Variants in CPQ observed in about 807,000 individuals in gnomAD.
CPQ encodes carboxypeptidase Q.
A neutral mutation model predicts 45.7 loss-of-function variants in CPQ; 37 were observed. The ratio of observed to expected loss-of-function variants is 0.81; its 90% CI spans 0.62 to 1.07. The LOEUF (loss-of-function observed/expected upper bound fraction) is 1.07. CPQ is among the 50% of genes least tolerant of loss of function. CPQ has a pLI of 0.00. For synonymous variants in CPQ, 186 were observed against 205.8 expected (o/e 0.90, Z 0.82); for missense variants, 537 against 572.9 (o/e 0.94, Z 0.64).
At chr8:97,008,683 T>G (rs1268849903) in intron 5 of CPQ, among the ~76,000 whole-genome samples, 1 of 152,180 alleles carries the variant, frequency 6.6e-6, no homozygotes, top group Admixed American at 6.5e-5. Context: ...CATTATTATA[T>G]ATGTGACCAT....
intron 4 of CPQ, among the ~76,000 whole-genome samples, chr8:96,923,438 A>G (rs563130201): frequency 6.2e-4 from 95 of 152,128 alleles, no homozygotes; most frequent in Non-Finnish European, 1.2e-3. Context: ...TAATTTAGTC[A>G]CCTTCTTCAA....
chr8:96,868,539 A>G (rs1812023192), intron 3 of CPQ, among the ~76,000 whole-genome samples: 1 of 152,032 alleles, frequency 6.6e-6, no homozygotes, highest in Admixed American at 6.6e-5. Flanking sequence ...AATGTTTATG[A>G]TTAGCCTTGT....
intron 5 of CPQ, among the ~76,000 whole-genome samples, chr8:96,970,595 G>A (rs1265783879): frequency 1.4e-5 from 2 of 147,082 alleles, no homozygotes; most frequent in Admixed American, 6.9e-5. Context: ...ACGGAGTCTC[G>A]CTCTGTCGCC....
chr8:97,057,847 T>C (rs1161321479), intron 6 of CPQ, among the ~76,000 whole-genome samples: 1 of 151,940 alleles, frequency 6.6e-6, no homozygotes, highest in Non-Finnish European at 1.5e-5. Flanking sequence ...GCCAACAAAT[T>C]AGGGAGGGGT....
At chr8:97,052,298 T>C (rs1363957677) in intron 6 of CPQ, among the ~76,000 whole-genome samples, 1 of 152,148 alleles carries the variant, frequency 6.6e-6, no homozygotes, top group Non-Finnish European at 1.5e-5. Flanking sequence ...ACTATACCCA[T>C]TAAATTATGT....
intron 1 of CPQ, among the ~76,000 whole-genome samples, chr8:96,783,314 T>G (rs1810716534): frequency 6.6e-6 from 1 of 151,476 alleles, no homozygotes; most frequent in African/African-American, 2.4e-5. Flanking sequence ...ACAGACGGAG[T>G]AATTTATAAA....
At chr8:97,071,320 T>C (rs1810738465) in intron 7 of CPQ, among the ~76,000 whole-genome samples, 1 of 152,164 alleles carries the variant, frequency 6.6e-6, no homozygotes, top group Admixed American at 6.6e-5. Flanking sequence ...ATAAGATCCA[T>C]GCTCTCACAG....
chr8:97,136,843 C>G (rs952393997), intron 7 of CPQ, among the ~76,000 whole-genome samples: 2 of 152,206 alleles, frequency 1.3e-5, no homozygotes, highest in Non-Finnish European at 2.9e-5. Flanking sequence ...ATATACCTGT[C>G]AGAAGATCCT....
chr8:96,747,459 C>A (rs1810202918), intron 1 of CPQ, among the ~76,000 whole-genome samples: 1 of 151,712 alleles, frequency 6.6e-6, no homozygotes, highest in South Asian at 2.1e-4. Flanking sequence ...CACGTGAGAC[C>A]AAAAAAACAC....
intron 5 of CPQ, among the ~76,000 whole-genome samples, chr8:97,017,995 T>G (rs955579259): frequency 6.6e-6 from 1 of 152,102 alleles, no homozygotes; most frequent in African/African-American, 2.4e-5. Context: ...TTTCACCTCC[T>G]TGCCGCCTCC....
chr8:96,806,389 A>G (rs1811079956), intron 2 of CPQ, among the ~76,000 whole-genome samples: 1 of 152,214 alleles, frequency 6.6e-6, no homozygotes, highest in African/African-American at 2.4e-5. Flanking sequence ...GAGCTACTAA[A>G]TGCAAATAAG....
At chr8:96,960,942 G>A (rs890722829) in intron 4 of CPQ, among the ~76,000 whole-genome samples, 1 of 152,138 alleles carries the variant, frequency 6.6e-6, no homozygotes, top group East Asian at 1.9e-4. Context: ...ATTCCACAAT[G>A]TATCGATTCT....
chr8:97,046,793 A>C (rs962661723), intron 6 of CPQ, among the ~76,000 whole-genome samples: 2 of 152,156 alleles, frequency 1.3e-5, no homozygotes, highest in Non-Finnish European at 2.9e-5. Context: ...TTCCCCTCCA[A>C]AGCTCTGGAA....
intron 5 of CPQ, among the ~76,000 whole-genome samples, chr8:96,993,039 G>A (rs1472262387): frequency 2.0e-5 from 3 of 152,068 alleles, no homozygotes; most frequent in African/African-American, 7.2e-5. Context: ...CATCATCCCT[G>A]GAAATTAACC....
intron 1 of CPQ, among the ~76,000 whole-genome samples, chr8:96,731,702 C>G (rs961024121): frequency 1.3e-5 from 2 of 151,978 alleles, no homozygotes; most frequent in African/African-American, 4.8e-5. Flanking sequence ...CCATAATAGG[C>G]ATAGTGGAAG....
At chr8:97,023,012 T>C (rs1809726747) in intron 5 of CPQ, among the ~76,000 whole-genome samples, 1 of 146,878 alleles carries the variant, frequency 6.8e-6, no homozygotes, top group African/African-American at 2.5e-5. Flanking sequence ...ATATATACTA[T>C]ATATAGTATA....
At chr8:97,052,221 T>G (rs1342273963) in intron 6 of CPQ, among the ~76,000 whole-genome samples, 1 of 152,232 alleles carries the variant, frequency 6.6e-6, no homozygotes, top group African/African-American at 2.4e-5. Context: ...CCTCCCTTAG[T>G]TCAATACAGG....
chr8:97,077,298 G>A (rs1383370091), intron 7 of CPQ, among the ~76,000 whole-genome samples: 1 of 152,194 alleles, frequency 6.6e-6, no homozygotes, highest in Non-Finnish European at 1.5e-5. Flanking sequence ...GTATGTGAGA[G>A]CCATCACTTC....
At chr8:97,089,529 G>A (rs1563577128) in intron 7 of CPQ, among the ~76,000 whole-genome samples, 2 of 152,032 alleles carry the variant, frequency 1.3e-5, no homozygotes, top group Non-Finnish European at 2.9e-5. Context: ...CCCCCCATGG[G>A]CTTAAAAGCA....
Sources: gnomAD v4.1 joint callset for allele counts (sites outside exome capture counted in the v4.1 genomes callset) on GRCh38, gnomAD v4.1.1 for gene constraint, MANE v1.5 for transcripts, NCBI Gene and HGNC (gene_info 2026-07-23, HGNC 2026-07-21) for gene names.